The following PDILT variants were observed in gnomAD, a reference collection of about 807,000 sequenced individuals.
PDILT encodes the protein protein disulfide-isomerase-like protein of the testis.
In PDILT, 43 loss-of-function variants were observed where a neutral mutation model predicts 53.7. That is an observed-to-expected ratio of 0.80 (90% CI 0.63 to 1.03). The LOEUF (loss-of-function observed/expected upper bound fraction) is 1.03, where lower values mean the gene tolerates loss of function less well. PDILT is among the 50% of genes least tolerant of loss of function. The pLI is 0.00. For synonymous variants in PDILT, 282 were observed against 274.2 expected, an observed-to-expected ratio of 1.03 and a Z score of -0.28; for missense variants, 727 against 712.3, an observed-to-expected ratio of 1.02 and a Z score of -0.24.
intron 8 of PDILT, among the ~76,000 whole-genome samples, chr16:20,366,081 T>C (rs1404669975): frequency 1.4e-5 from 2 of 142,352 alleles, no homozygotes; most frequent in Admixed American, 7.0e-5. Context: ...CAGAGCAAGA[T>C]TTCGTCTCCA....
intron 3 of PDILT, among the ~76,000 whole-genome samples, chr16:20,380,485 C>T (rs766660102): frequency 1.2e-4 from 18 of 152,088 alleles, no homozygotes; most frequent in African/African-American, 2.7e-4. Context: ...TACAGGTGCC[C>T]GCCACCACAC....
At chr16:20,372,521 C>G (rs1237263279) in intron 7 of PDILT, among the ~76,000 whole-genome samples, 1 of 152,140 alleles carries the variant, frequency 6.6e-6, no homozygotes, top group African/African-American at 2.4e-5. Context: ...AGCAGGCAAG[C>G]CTTCATGTTC....
chr16:20,362,821 C>T (rs751635729), intron 9 of PDILT, among the ~76,000 whole-genome samples: 27 of 152,000 alleles, frequency 1.8e-4, no homozygotes, highest in East Asian at 1.2e-3. Context: ...CACCTGTAAT[C>T]CCAGCACTTT....
At position 20,384,682 on chromosome 16, in the gene PDILT, A is replaced by G; in HGVS notation, c.372T>C (p.Phe124=). Residue 124 remains phenylalanine, a synonymous_variant, in exon 3 of 12, where the codon TTT becomes TTC. Coordinates refer to ENST00000302451, the MANE Select transcript of PDILT (RefSeq NM_174924.2). ...GITKAPELKL[F]FEGNRSEPIS... is the part of the protein sequence containing the mutation. ...TGGGCTCTGACCTGTTGCCCTCAAAAAACAGCTTCAACTCCGGGGCCTTGG... is the reference window on the plus strand; with the variant it reads ...TGGGCTCTGACCTGTTGCCCTCAAAGAACAGCTTCAACTCCGGGGCCTTGG... The G allele has an allele frequency of 1.2e-6, 2 of 1,614,202 alleles. No individual in the cohort carries two copies. Among genetic ancestry groups the G allele is most frequent in the East Asian group, 2.2e-5 (1 of 44,892 alleles).
At chr16:20,399,892 C>G (rs2141624429) in intron 1 of PDILT, among the ~76,000 whole-genome samples, 1 of 151,978 alleles carries the variant, frequency 6.6e-6, no homozygotes, top group East Asian at 1.9e-4. Context: ...ATACAAATGT[C>G]AAGAAGGAAG....
chr16:20,363,420 G>T (rs149694876), intron 9 of PDILT, among the ~76,000 whole-genome samples: 2 of 151,976 alleles, frequency 1.3e-5, no homozygotes, highest in African/African-American at 4.8e-5. Flanking sequence ...CAATATTTAC[G>T]CTAGATGACT....
At chr16:20,370,150 C>A (rs1339792169) in intron 7 of PDILT, among the ~76,000 whole-genome samples, 1 of 152,146 alleles carries the variant, frequency 6.6e-6, no homozygotes, top group Non-Finnish European at 1.5e-5. Context: ...TTCATGACTT[C>A]ATTCACTCAT....
intron 3 of PDILT, 71 bp downstream of exon 3, chr16:20,384,574 A>C (rs1966505368): frequency 6.3e-7 from 1 of 1,578,626 alleles, no homozygotes; most frequent in African/African-American, 1.4e-5. Context: ...AGAGCCTCCC[A>C]CCTTTACCCT....
At position 20,399,251 on chromosome 16, in the gene PDILT, G is replaced by A. The variant is rs751918791; in HGVS notation, c.50C>T (p.Ala17Val). ...GTTAACCTCTGGTGAGCTGTGGACA[G>A]CAGAGACACAAGCGGCCACCAGCAG... ...PLLLVAACVS[A>V]VHSSPEVNAG... Residue 17 changes from alanine to valine, a missense_variant, in exon 2 of 12, where the codon GCT becomes GTT. Transcript: ENST00000302451. 4 of 1,613,974 alleles carry A rather than the reference G, an allele frequency of 2.5e-6. No individual in the cohort carries two copies. The South Asian group carries it at 3.3e-5, about 13-fold the overall frequency.
At chr16:20,396,093 C>A (rs1389718505) in intron 2 of PDILT, among the ~76,000 whole-genome samples, 1 of 152,202 alleles carries the variant, frequency 6.6e-6, no homozygotes, top group Non-Finnish European at 1.5e-5. Flanking sequence ...TGCCTCAGTG[C>A]CACAGGGTAA....
intron 8 of PDILT, among the ~76,000 whole-genome samples, chr16:20,365,788 A>G (rs1360364334): frequency 6.6e-6 from 1 of 152,142 alleles, no homozygotes; most frequent in Non-Finnish European, 1.5e-5. Flanking sequence ...AGATTTTATA[A>G]AAAGAAGATT....
intron 2 of PDILT, among the ~76,000 whole-genome samples, chr16:20,386,642 C>T (rs1357638742): frequency 6.6e-6 from 1 of 152,240 alleles, no homozygotes; most frequent in African/African-American, 2.4e-5. Flanking sequence ...GAAGCGGGGA[C>T]TTTGTGCCTC....
chr16:20,385,632 G>T (rs1399522075), intron 2 of PDILT, among the ~76,000 whole-genome samples: 4 of 152,042 alleles, frequency 2.6e-5, no homozygotes, highest in Non-Finnish European at 5.9e-5. Context: ...ACTGCATATT[G>T]GGTAGAAAGA....
chr16:20,366,914 T>C (rs9806840), intron 8 of PDILT, among the ~76,000 whole-genome samples: 7,803 of 149,722 alleles, frequency 0.052, 512 homozygotes, highest in African/African-American at 0.14. Flanking sequence ...GCTTCTCTCA[T>C]TGCTCTTAGG....
intron 3 of PDILT, among the ~76,000 whole-genome samples, chr16:20,377,560 T>A (rs1408947098): frequency 2.0e-5 from 3 of 152,120 alleles, no homozygotes; most frequent in Non-Finnish European, 4.4e-5. Flanking sequence ...AAAGGAAATG[T>A]TTGAAATCAA....
At chr16:20,366,394 G>A (rs971161466) in intron 8 of PDILT, among the ~76,000 whole-genome samples, 1 of 151,964 alleles carries the variant, frequency 6.6e-6, no homozygotes, top group Admixed American at 6.6e-5. Context: ...CCCAAGGGAG[G>A]ACTTCCTTGA....
In PDILT at chr16:20,399,125, T is replaced by TG; in HGVS notation, c.175dup (p.Gln59ProfsTer68). 6.2e-7 allele frequency: 1 copy of TG among 1,614,200 alleles called. No individual in the cohort carries two copies. Among genetic ancestry groups the TG allele is most frequent in the Non-Finnish European group, 8.5e-7 (1 of 1,180,024 alleles). On this transcript the variant is annotated frameshift_variant, in exon 2 of 12. Coordinates refer to ENST00000302451, the MANE Select transcript of PDILT (RefSeq NM_174924.2). LOFTEE classifies it high-confidence loss of function. ...GAAAAGCACCATGAGGAAGCGGGTCTGGTTCAGCATCTGGGTCAGGCCAGC... is the reference window on the plus strand; with the variant it reads ...GAAAAGCACCATGAGGAAGCGGGTCTGGGTTCAGCATCTGGGTCAGGCCAGC...
At chr16:20,371,347 A>G (rs1966303743) in intron 7 of PDILT, among the ~76,000 whole-genome samples, 1 of 152,178 alleles carries the variant, frequency 6.6e-6, no homozygotes, top group African/African-American at 2.4e-5. Flanking sequence ...CAGGGAGATG[A>G]GTTAGAGGCC....
chr16:20,362,365 A>G, intron 10 of PDILT, 39 bp downstream of exon 10: 1 of 1,605,386 alleles, frequency 6.2e-7, no homozygotes, highest in Middle Eastern at 1.7e-4. Context: ...TAATAACATA[A>G]CATTGTTTTC....
Sources: allele counts gnomAD v4.1 joint callset (sites outside exome capture counted in the v4.1 genomes callset), GRCh38; gene constraint gnomAD v4.1.1; transcripts MANE v1.5; gene names NCBI Gene and HGNC (gene_info 2026-07-23, HGNC 2026-07-21).